GABRR3: variants seen among roughly 807,000 people sequenced by gnomAD.
GABRR3 encodes gamma-aminobutyric acid receptor subunit rho-3.
In GABRR3, 29 loss-of-function variants were observed where a neutral mutation model predicts 43.2. That is an observed-to-expected ratio of 0.67 (90% CI 0.50 to 0.92). The LOEUF (loss-of-function observed/expected upper bound fraction) is 0.92. Among genes scored for constraint, GABRR3 ranks in the 40% least tolerant of loss-of-function variants. The pLI, the probability that GABRR3 is intolerant of heterozygous loss-of-function variation, is 0.00. For missense variants in GABRR3, 576 were observed against 572.3 expected (o/e 1.01, Z -0.07); for synonymous variants, 206 against 195.9 (o/e 1.05, Z -0.43).
intron 2 of GABRR3, among the ~76,000 whole-genome samples, chr3:98,031,744 GA>G (rs201454868): frequency 0.013 from 1,957 of 148,808 alleles, 31 homozygotes; most frequent in African/African-American, 0.043. Context: ...CCTTGTTTCA[GA>G]AAAAAAAAAG....
At chr3:98,029,984 G>T (rs1186943067) in intron 2 of GABRR3, among the ~76,000 whole-genome samples, 3 of 151,744 alleles carry the variant, frequency 2.0e-5, no homozygotes, top group Non-Finnish European at 4.4e-5. Context: ...GTGTGGTGGT[G>T]GGAGCCTGTA....
chr3:98,000,065 G>A (rs769641406), intron 8 of GABRR3: 16 of 151,978 alleles, frequency 1.1e-4, no homozygotes, highest in Non-Finnish European at 1.0e-4. Context: ...TCCTGAGAAG[G>A]TAACAGTTTT....
chr3:98,034,160 A>G (rs372521091), intron 2 of GABRR3, among the ~76,000 whole-genome samples: 37 of 152,218 alleles, frequency 2.4e-4, no homozygotes, highest in African/African-American at 8.4e-4. Flanking sequence ...TTTGATTATT[A>G]AAGGTATATG....
intron 5 of GABRR3, among the ~76,000 whole-genome samples, chr3:98,011,533 A>G (rs1200269432): frequency 6.6e-6 from 1 of 152,196 alleles, no homozygotes; most frequent in Non-Finnish European, 1.5e-5. Flanking sequence ...TTTTGATTGC[A>G]TTTAAGTCCC....
intron 2 of GABRR3, among the ~76,000 whole-genome samples, chr3:98,032,211 T>C (rs1486252326): frequency 2.0e-5 from 3 of 152,148 alleles, no homozygotes; most frequent in South Asian, 2.1e-4. Flanking sequence ...GGAGAAATCA[T>C]TGGGAAGTGG....
intron 3 of GABRR3, among the ~76,000 whole-genome samples, chr3:98,020,666 C>T (rs1424493222): frequency 6.6e-6 from 1 of 151,880 alleles, no homozygotes; most frequent in Non-Finnish European, 1.5e-5. Flanking sequence ...AGCACTGGAG[C>T]CTAAAGGTTG....
intron 7 of GABRR3, among the ~76,000 whole-genome samples, chr3:98,006,178 T>C (rs1706722453): frequency 6.6e-6 from 1 of 152,210 alleles, no homozygotes; most frequent in Admixed American, 6.5e-5. Context: ...CTCTATGAGG[T>C]AGGATTACAA....
At chr3:97,997,166 G>A (rs911237543) in intron 8 of GABRR3, among the ~76,000 whole-genome samples, 1 of 152,160 alleles carries the variant, frequency 6.6e-6, no homozygotes, top group African/African-American at 2.4e-5. Flanking sequence ...AAAATGCCAC[G>A]TGTTCAAAGA....
At chr3:98,012,888 A>T (rs1275461915) in intron 4 of GABRR3, among the ~76,000 whole-genome samples, 2 of 152,244 alleles carry the variant, frequency 1.3e-5, no homozygotes, top group African/African-American at 2.4e-5. Context: ...TTTCAGAAGA[A>T]AGGAACCTGA....
chr3:98,015,760 A>G (rs1261874293), intron 4 of GABRR3, among the ~76,000 whole-genome samples: 2 of 152,198 alleles, frequency 1.3e-5, no homozygotes, highest in Non-Finnish European at 2.9e-5. Flanking sequence ...ATAAAGACAC[A>G]TAGCCATTGG....
At chr3:98,022,855 TA>T (rs1464897012) in intron 3 of GABRR3, among the ~76,000 whole-genome samples, 6 of 152,228 alleles carry the variant, frequency 3.9e-5, no homozygotes, top group Non-Finnish European at 8.8e-5. Flanking sequence ...AAAGTATTTT[TA>T]AAAAAATGCA....
At chr3:98,020,661 T>C (rs1333817127) in intron 3 of GABRR3, among the ~76,000 whole-genome samples, 5 of 152,046 alleles carry the variant, frequency 3.3e-5, no homozygotes, top group Admixed American at 3.3e-4. Flanking sequence ...GCCCAAGCAC[T>C]GGAGCCTAAA....
At chr3:98,017,624 A>G (rs767657087) in intron 4 of GABRR3, 31 bp downstream of exon 4, 1 of 1,544,826 alleles carries the variant, frequency 6.5e-7, no homozygotes, top group East Asian at 2.3e-5. Context: ...GTCTTTTCAG[A>G]AAAAGAGCAA....
intron 9 of GABRR3, among the ~76,000 whole-genome samples, chr3:97,991,784 A>G (rs543451251): frequency 6.6e-6 from 1 of 152,354 alleles, no homozygotes; most frequent in South Asian, 2.1e-4. Flanking sequence ...TCCTGAAAGT[A>G]TGAGATGCTC....
At chr3:98,034,822 A>C (rs1248275711) in intron 2 of GABRR3, 41 bp downstream of exon 2, 1 of 1,607,912 alleles carries the variant, frequency 6.2e-7, no homozygotes, top group East Asian at 2.2e-5. Context: ...GTTGAGAGAA[A>C]CTGGGCAGTA....
chr3:98,015,291 C>A (rs983492910), intron 4 of GABRR3, among the ~76,000 whole-genome samples: 5 of 152,198 alleles, frequency 3.3e-5, no homozygotes, highest in Non-Finnish European at 4.4e-5. Flanking sequence ...CTCCCAGGTT[C>A]AAGTTATTTT....
intron 4 of GABRR3, among the ~76,000 whole-genome samples, chr3:98,015,639 T>A (rs11706474): frequency 0.77 from 117,210 of 152,166 alleles, 45,619 homozygotes; most frequent in East Asian, 0.99. Context: ...TATCATTAAC[T>A]CCTGAAAGTG....
At chr3:98,033,612 T>C (rs142793725) in intron 2 of GABRR3, among the ~76,000 whole-genome samples, 4 of 152,308 alleles carry the variant, frequency 2.6e-5, no homozygotes, top group Non-Finnish European at 2.9e-5. Context: ...ACTCTATGGA[T>C]GACAGATAAT....
At chr3:98,016,828 G>A (rs1706877747) in intron 4 of GABRR3, among the ~76,000 whole-genome samples, 2 of 152,156 alleles carry the variant, frequency 1.3e-5, no homozygotes, top group South Asian at 4.1e-4. Context: ...AATGAAAAAT[G>A]TCTCTGGTAA....
Sources: gnomAD v4.1 joint callset for allele counts (sites outside exome capture counted in the v4.1 genomes callset) on GRCh38, gnomAD v4.1.1 for gene constraint, MANE v1.5 for transcripts, NCBI Gene and HGNC (gene_info 2026-07-23, HGNC 2026-07-21) for gene names.